TNIP3: variants seen among roughly 807,000 people sequenced by gnomAD.
The protein encoded by TNIP3 is TNFAIP3 interacting protein 3.
TNIP3 carries 34 observed loss-of-function variants against 54.1 expected under a neutral mutation model. The ratio of observed to expected loss-of-function variants is 0.63; its 90% CI spans 0.48 to 0.84. The LOEUF (loss-of-function observed/expected upper bound fraction) is 0.84, where lower values mean the gene tolerates loss of function less well. Among genes scored for constraint, TNIP3 ranks in the 40% least tolerant of loss-of-function variants. The pLI is 0.00. For synonymous variants in TNIP3, 134 were observed against 136.8 expected (o/e 0.98, Z 0.14); for missense variants, 366 against 387.6 (o/e 0.94, Z 0.47).
At position 121,146,904 on chromosome 4, in the gene TNIP3, ATTGT is replaced by A. The variant is rs1172439064; in HGVS notation, c.735+141_735+144del. The A allele has an allele frequency of 4.1e-5, 32 of 779,422 alleles. No homozygotes were observed. The Middle Eastern group carries it at 3.2e-3, about 77-fold the overall frequency. The allele number at this position is 779,422 out of a possible 1,614,324, so 48.3% of individuals were successfully genotyped here. Reference sequence around the variant, plus strand: ...CCAGTCATTTTCATCTCTTTACAAGATTGTTTAAGAATGACTTCATCCCAGGTGC... The same window carrying A: ...CCAGTCATTTTCATCTCTTTACAAGATTAAGAATGACTTCATCCCAGGTGC... On this transcript the variant is annotated intron_variant, in intron 7 of 10. Transcript: ENST00000057513.
chr4:121,142,065 T>A (rs1729153288), intron 8 of TNIP3, 151 bp from the exon 9 acceptor site: 1 of 474,694 alleles, frequency 2.1e-6, no homozygotes, highest in African/African-American at 2.0e-5. Flanking sequence ...GTCAATAGAC[T>A]CAGGACCAAT....
intron 1 of TNIP3, among the ~76,000 whole-genome samples, chr4:121,223,232 CAG>C (rs1463507042): frequency 6.6e-6 from 1 of 152,234 alleles, no homozygotes; most frequent in African/African-American, 2.4e-5. Context: ...TTCCTCCAGG[CAG>C]ATGCTCACCC....
intron 2 of TNIP3, among the ~76,000 whole-genome samples, chr4:121,200,403 G>C (rs1725818529): frequency 1.3e-5 from 2 of 152,174 alleles, no homozygotes; most frequent in South Asian, 4.1e-4. Flanking sequence ...TCTCAAAACT[G>C]TACCTAGTTA....
chr4:121,164,502 A>T (rs1357472531), upstream of TNIP3, among the ~76,000 whole-genome samples: 2 of 152,198 alleles, frequency 1.3e-5, no homozygotes, highest in East Asian at 3.8e-4. Flanking sequence ...GAAGTTCTCC[A>T]CCACAGAAAG....
At chr4:121,222,168 G>A (rs145639810) in intron 1 of TNIP3, among the ~76,000 whole-genome samples, 295 of 152,268 alleles carry the variant, frequency 1.9e-3, no homozygotes, top group African/African-American at 6.8e-3. Flanking sequence ...GCATCTTAGA[G>A]GCTTAGTGAA....
intron 5 of TNIP3, among the ~76,000 whole-genome samples, chr4:121,153,628 C>A (rs552070085): frequency 6.6e-6 from 1 of 152,222 alleles, no homozygotes; most frequent in Non-Finnish European, 1.5e-5. Flanking sequence ...GTCCCACACA[C>A]AGATCTACTA....
chr4:121,156,622 T>A (rs1043253949), intron 4 of TNIP3, among the ~76,000 whole-genome samples: 2 of 152,200 alleles, frequency 1.3e-5, no homozygotes, highest in African/African-American at 4.8e-5. Flanking sequence ...AAAAATGTCA[T>A]AAATTTATGG....
At chr4:121,157,562 A>T (rs543300108) in intron 3 of TNIP3, among the ~76,000 whole-genome samples, 14 of 151,806 alleles carry the variant, frequency 9.2e-5, no homozygotes, top group African/African-American at 3.4e-4. Context: ...TCTATTCTCA[A>T]CTCTCCAGGT....
At chr4:121,188,225 C>T (rs563039671) in intron 2 of TNIP3, among the ~76,000 whole-genome samples, 5 of 151,734 alleles carry the variant, frequency 3.3e-5, no homozygotes, top group African/African-American at 1.2e-4. Context: ...AATAAATCAA[C>T]ATAGAAATTA....
chr4:121,191,988 G>A (rs556613518), intron 2 of TNIP3, among the ~76,000 whole-genome samples: 17 of 152,240 alleles, frequency 1.1e-4, no homozygotes, highest in African/African-American at 4.1e-4. Flanking sequence ...ATATATTTAA[G>A]AGCTGTCTAA....
Position 121,145,091 on chromosome 4 carries a change from A to G in TNIP3, c.735+1958T>C, listed in dbSNP as rs537212693. 1.1e-4 allele frequency among the ~76,000 whole-genome samples: 16 copies of G among 152,318 alleles called. No individual in the cohort carries two copies. In the East Asian group the frequency reaches 1.2e-3, roughly 11 times the overall value. ...ATGAATACATTCTGGTAAGAAAGCA[A>G]CTCAGAATGCCAGAATGATTTGACC... On this transcript the variant is annotated intron_variant, in intron 7 of 10. Coordinates refer to ENST00000057513, the MANE Select transcript of TNIP3 (RefSeq NM_024873.6).
At chr4:121,144,382 T>G (rs774220385) in intron 7 of TNIP3, among the ~76,000 whole-genome samples, 1 of 152,084 alleles carries the variant, frequency 6.6e-6, no homozygotes, top group Non-Finnish European at 1.5e-5. Flanking sequence ...GAGCTAAATG[T>G]TTTCTAAAGC....
intron 2 of TNIP3, among the ~76,000 whole-genome samples, chr4:121,195,032 G>T (rs1225118372): frequency 3.9e-5 from 6 of 151,982 alleles, no homozygotes; most frequent in Non-Finnish European, 8.8e-5. Flanking sequence ...GCCTGGCATG[G>T]TGGCAGGTGG....
rs1041327329 is a variant in TNIP3, at chr4:121,142,147, GAC to G, written c.787-235_787-234del. ...TCATTTCCCCATTTTGAAGAAATTA[GAC>G]ACACTTGAAAAGTATATAGAGTTAA... On this transcript the variant is annotated intron_variant, in intron 8 of 10. Coordinates refer to ENST00000057513, the MANE Select transcript of TNIP3 (RefSeq NM_024873.6). Among the ~76,000 whole-genome samples the G allele has an allele frequency of 3.9e-4, 59 of 152,270 alleles. 1 individual carries two copies. Among genetic ancestry groups the G allele is most frequent in the African/African-American group, 1.3e-3 (53 of 41,550 alleles).
chr4:121,222,510 A>G (rs1400418458), intron 1 of TNIP3, among the ~76,000 whole-genome samples: 2 of 152,158 alleles, frequency 1.3e-5, no homozygotes, highest in Admixed American at 6.5e-5. Context: ...TAAGGATAAC[A>G]CTTCCCTTCT....
intron 3 of TNIP3, among the ~76,000 whole-genome samples, chr4:121,173,440 T>A (rs1028149125): frequency 2.6e-5 from 4 of 152,144 alleles, no homozygotes; most frequent in African/African-American, 9.7e-5. Flanking sequence ...GAGAGAAAAT[T>A]CAGCCTTCAA....
intron 9 of TNIP3, among the ~76,000 whole-genome samples, 164 bp from the exon 10 acceptor site, chr4:121,138,848 T>C (rs558714625): frequency 1.6e-4 from 25 of 152,244 alleles, no homozygotes; most frequent in African/African-American, 5.8e-4. Flanking sequence ...CCCCCATCAC[T>C]GCCATCATCT....
intron 3 of TNIP3, among the ~76,000 whole-genome samples, chr4:121,176,708 A>ATT (rs372588208): frequency 5.4e-5 from 8 of 148,652 alleles, no homozygotes; most frequent in East Asian, 2.0e-4. Context: ...GGAAAGCCAG[A>ATT]TTTTTTTTTT....
In TNIP3 at chr4:121,156,958, C is replaced by T. The variant is rs575353997; in HGVS notation, c.363+136G>A. 3.6e-6 allele frequency: 4 copies of T among 1,110,662 alleles called. No homozygotes were observed. The East Asian group carries it at 7.2e-5, about 20-fold the overall frequency. 68.8% of individuals were successfully genotyped at this position (1,110,662 alleles called of 1,614,324 possible). On this transcript the variant is annotated intron_variant, in intron 4 of 10. Transcript: ENST00000057513. ...CATGGCTCTTGGGGACTTGCGTAAC[C>T]CATGCACCCTTGCACATCGGTCGTT...
Sources: allele counts gnomAD v4.1 joint callset (sites outside exome capture counted in the v4.1 genomes callset), GRCh38; gene constraint gnomAD v4.1.1; transcripts MANE v1.5; gene names NCBI Gene and HGNC (gene_info 2026-07-23, HGNC 2026-07-21).